The following DDX4 variants were observed in gnomAD, a reference collection of about 807,000 sequenced individuals.
DDX4 encodes the protein probable ATP-dependent RNA helicase DDX4.
A neutral mutation model predicts 100.0 loss-of-function variants in DDX4; 25 were observed. The ratio of observed to expected loss-of-function variants is 0.25; its 90% CI spans 0.18 to 0.35. DDX4 has a LOEUF of 0.35. Ranked by LOEUF, DDX4 falls within the 10% of genes least tolerant of loss-of-function variation. The pLI, the probability that DDX4 is intolerant of heterozygous loss-of-function variation, is 1.00. For synonymous variants in DDX4, 259 were observed against 275.7 expected (o/e 0.94, Z 0.60); for missense variants, 635 against 882.4 (o/e 0.72, Z 3.55).
At chr5:55,757,030 T>C (rs990577926) in intron 3 of DDX4, among the ~76,000 whole-genome samples, 1 of 152,152 alleles carries the variant, frequency 6.6e-6, no homozygotes, top group African/African-American at 2.4e-5. Context: ...TAATTGTATA[T>C]TTTCCTTAGG....
chr5:55,816,663 C>A lies in DDX4; in HGVS notation c.*123C>A. 1 of 1,442,724 alleles carries A rather than the reference C, an allele frequency of 6.9e-7. No individual in the cohort carries two copies. The highest frequency in any genetic ancestry group is 9.1e-7 in the Non-Finnish European group (1 of 1,092,950). The allele number at this position is 1,442,724 out of a possible 1,614,324, so 89.4% of individuals were successfully genotyped here. A position where few individuals can be genotyped will look rare whatever the true frequency, so the allele number is the denominator to read the frequency against. On this transcript the variant is annotated 3_prime_UTR_variant, in exon 22 of 22. Coordinates refer to ENST00000505374, the MANE Select transcript of DDX4 (RefSeq NM_024415.3). ...AGCTCCTGTCCTTGTATTCTCACTC[C>A]TACACTTAAAAAAAAAATCCTTACT...
Position 55,805,535 on chromosome 5 carries a change from A to G in DDX4, c.1615+6964A>G, listed in dbSNP as rs1040978502. On this transcript the variant is annotated intron_variant, in intron 18 of 21. Transcript: ENST00000505374. ...TTTATTGAGAGTTTTTAGCATGAAGAGTTGTTGAATTTTGTCAAAGGCCTT... is the reference window on the plus strand; with the variant it reads ...TTTATTGAGAGTTTTTAGCATGAAGGGTTGTTGAATTTTGTCAAAGGCCTT... Among the ~76,000 whole-genome samples, 6 of 151,952 alleles carry G rather than the reference A, an allele frequency of 3.9e-5. No homozygotes were observed. In the East Asian group the frequency reaches 7.7e-4, roughly 20 times the overall value.
intron 18 of DDX4, among the ~76,000 whole-genome samples, chr5:55,804,356 G>C (rs1341409298): frequency 6.6e-6 from 1 of 151,174 alleles, no homozygotes. Flanking sequence ...TTTGGCTTTT[G>C]TTGCCATTGC....
intron 2 of DDX4, among the ~76,000 whole-genome samples, chr5:55,740,533 TCTCA>T (rs1487737900): frequency 1.3e-5 from 2 of 148,312 alleles, no homozygotes; most frequent in African/African-American, 2.5e-5. Flanking sequence ...TGAGATGGAG[TCTCA>T]CTCTATTGCC....
intron 3 of DDX4, among the ~76,000 whole-genome samples, chr5:55,757,898 A>C (rs1181733730): frequency 6.6e-6 from 1 of 152,152 alleles, no homozygotes; most frequent in Non-Finnish European, 1.5e-5. Flanking sequence ...TAAAAAAATT[A>C]GCTGGATATT....
intron 18 of DDX4, among the ~76,000 whole-genome samples, chr5:55,799,846 G>A (rs537611917): frequency 6.6e-6 from 1 of 152,020 alleles, no homozygotes; most frequent in Non-Finnish European, 1.5e-5. Flanking sequence ...TAGTACTTGC[G>A]TTTCAGCTTG....
At chr5:55,787,766 A>G in intron 14 of DDX4, 80 bp from the exon 15 acceptor site, 2 of 1,479,484 alleles carry the variant, frequency 1.4e-6, no homozygotes, top group Non-Finnish European at 9.1e-7. Context: ...TCTAAAGGCT[A>G]TAAGGACATG....
At chr5:55,757,206 C>T (rs1472606690) in intron 3 of DDX4, among the ~76,000 whole-genome samples, 1 of 152,038 alleles carries the variant, frequency 6.6e-6, no homozygotes, top group Non-Finnish European at 1.5e-5. Context: ...TTTTGTGAAC[C>T]CATTACCTGA....
Position 55,790,593 on chromosome 5 carries a change from T to C in DDX4, c.1190T>C (p.Val397Ala), listed in dbSNP as rs113652314. The change falls in exon 16 of 22, where the codon GTT (valine) becomes GCT (alanine). Residue 397 changes from valine to alanine, a missense_variant. By Grantham distance (64) the Val-to-Ala change is moderately conservative (BLOSUM62 0). Transcript: ENST00000505374. ...KFSFGTCVRA[V>A]VIYGGTQLGH... ...GTTAATAGGACTTGTGTAAGAGCTG[T>C]TGTTATATATGGGGGAACCCAGCTG... is the stretch of plus-strand genomic sequence containing the variant. The C allele has an allele frequency of 1.1e-5, 17 of 1,595,334 alleles. No homozygotes were observed. The African/African-American group carries it at 1.6e-4, about 15-fold the overall frequency.
intron 3 of DDX4, among the ~76,000 whole-genome samples, chr5:55,758,254 C>T (rs761466343): frequency 5.9e-5 from 9 of 151,690 alleles, no homozygotes; most frequent in Non-Finnish European, 1.3e-4. Flanking sequence ...TGTTAAATAC[C>T]CTTGCATACT....
rs141083716 is a variant in DDX4, at chr5:55,755,910, C to G, written c.128-4290C>G. On this transcript the variant is annotated intron_variant, in intron 3 of 21. Transcript: ENST00000505374. ...CTTCCTTTTTCTTCCAGGCACCGTC[C>G]CTCTGTCCAGAAGTGACTATTATCC... Among the ~76,000 whole-genome samples, 521 of 152,182 alleles carry G rather than the reference C, an allele frequency of 3.4e-3. 7 individuals carry two copies. The highest frequency in any genetic ancestry group is 0.012 in the African/African-American group (505 of 41,546).
chr5:55,785,700 T>C, intron 12 of DDX4, 29 bp from the exon 13 acceptor site: 1 of 1,594,942 alleles, frequency 6.3e-7, no homozygotes, highest in Non-Finnish European at 8.6e-7. Flanking sequence ...CTCTGTAACG[T>C]ACATTATGTT....
Position 55,751,861 on chromosome 5 carries a change from C to G in DDX4, c.127+5640C>G, listed in dbSNP as rs367646394. The stretch of plus-strand genomic sequence containing the variant: ...TAGTTTAAGAAATTCTTCACCATCT[C>G]TGTCAAAAAGTAGCCTCCTACATTA... On this transcript the variant is annotated intron_variant, in intron 3 of 21. Transcript: ENST00000505374. Among the ~76,000 whole-genome samples the G allele has an allele frequency of 1.9e-3, 283 of 152,280 alleles. 4 individuals are homozygous for G. The highest frequency in any genetic ancestry group is 6.2e-3 in the African/African-American group (259 of 41,568).
In DDX4 at chr5:55,763,361, A is replaced by G. The variant is rs1289644894; in HGVS notation, c.283+109A>G. 3.1e-5 allele frequency: 24 copies of G among 764,782 alleles called. No homozygotes were observed. The South Asian group carries it at 3.5e-4, about 11-fold the overall frequency. 47.4% of individuals were successfully genotyped at this position (764,782 alleles called of 1,614,324 possible). On this transcript the variant is annotated intron_variant, in intron 5 of 21. Transcript: ENST00000505374. Reference sequence around the variant, plus strand: ...CCATATTGACATTTAATTTCAAGGTATATATTCTGTGAGTGCCTTTGCACT... The same window carrying G: ...CCATATTGACATTTAATTTCAAGGTGTATATTCTGTGAGTGCCTTTGCACT...
At chr5:55,772,839 A>C (rs756719755) in intron 7 of DDX4, among the ~76,000 whole-genome samples, 6 of 152,212 alleles carry the variant, frequency 3.9e-5, no homozygotes, top group African/African-American at 1.4e-4. Flanking sequence ...TCAGATATCA[A>C]ATCTTGAGCC....
At chr5:55,786,179 T>C (rs1369735492) in intron 13 of DDX4, among the ~76,000 whole-genome samples, 1 of 152,212 alleles carries the variant, frequency 6.6e-6, no homozygotes, top group Non-Finnish European at 1.5e-5. Context: ...CTTAGGGCAG[T>C]GATTTTTCTG....
intron 2 of DDX4, among the ~76,000 whole-genome samples, chr5:55,741,154 T>G (rs1165912760): frequency 6.6e-6 from 1 of 152,210 alleles, no homozygotes; most frequent in East Asian, 1.9e-4. Flanking sequence ...ATGAAGTGTT[T>G]AAGCAGCACA....
chr5:55,770,957 G>A (rs558623263), intron 7 of DDX4, among the ~76,000 whole-genome samples: 4 of 152,222 alleles, frequency 2.6e-5, no homozygotes, highest in African/African-American at 9.6e-5. Flanking sequence ...AAATGAGGCA[G>A]TCGAAACCAT....
In DDX4 at chr5:55,792,636, T is replaced by A; in HGVS notation, c.1303-5T>A. 1 of 1,502,844 alleles carries A rather than the reference T, an allele frequency of 6.7e-7. No homozygotes were observed. The highest frequency in any genetic ancestry group is 9.0e-7 in the Non-Finnish European group (1 of 1,112,210). 93.1% of individuals were successfully genotyped at this position (1,502,844 alleles called of 1,614,324 possible). ...TCTGTTTTACCTTTGAAAATATCCT[T>A]AAAGATTGGTCTCAAACAGATCAAA... On this transcript the variant is annotated splice_region_variant and splice_polypyrimidine_tract_variant and intron_variant, in intron 16 of 21. Transcript: ENST00000505374.
Sources: gnomAD v4.1 joint callset for allele counts (sites outside exome capture counted in the v4.1 genomes callset) on GRCh38, gnomAD v4.1.1 for gene constraint, MANE v1.5 for transcripts, NCBI Gene and HGNC (gene_info 2026-07-23, HGNC 2026-07-21) for gene names.